XRN2: variants seen among roughly 807,000 people sequenced by gnomAD.
XRN2 encodes 5'-3' exoribonuclease 2.
Under a neutral mutation model 138.5 loss-of-function variants are expected in XRN2, and 44 were observed. The ratio of observed to expected loss-of-function variants is 0.32; its 90% CI spans 0.25 to 0.41. XRN2 has a LOEUF of 0.41. Among genes scored for constraint, XRN2 ranks in the 10% least tolerant of loss-of-function variants. The pLI is 1.00. For missense variants in XRN2, 937 were observed against 1,169.3 expected, an observed-to-expected ratio of 0.80 and a Z score of 2.90; for synonymous variants, 354 against 369.4, an observed-to-expected ratio of 0.96 and a Z score of 0.48.
chr20:21,368,154 C>T (rs992136156), intron 26 of XRN2, among the ~76,000 whole-genome samples: 1 of 151,894 alleles, frequency 6.6e-6, no homozygotes, highest in African/African-American at 2.4e-5. Flanking sequence ...GAACATGGAT[C>T]CTTAAGGACA....
intron 27 of XRN2, among the ~76,000 whole-genome samples, chr20:21,376,253 G>A (rs2038821708): frequency 6.6e-6 from 1 of 152,152 alleles, no homozygotes; most frequent in African/African-American, 2.4e-5. Flanking sequence ...TACTCAGGAG[G>A]CTGTGGTGAG....
intron 9 of XRN2, 88 bp from the exon 10 acceptor site, chr20:21,333,456 C>T (rs985336829): frequency 1.9e-5 from 24 of 1,281,828 alleles, no homozygotes; most frequent in South Asian, 7.2e-5. Context: ...ATGGATTGTG[C>T]GTTAGAAAAA....
Position 21,328,609 on chromosome 20 carries a change from A to G in XRN2, c.366A>G (p.Ser122=), listed in dbSNP as rs942110016. The G allele has an allele frequency of 1.2e-6, 2 of 1,614,158 alleles. No homozygotes were observed. Among genetic ancestry groups the G allele is most frequent in the Non-Finnish European group, 1.7e-6 (2 of 1,180,006 alleles). Residue 122 remains serine (S), a synonymous_variant, in exon 4 of 30, where the codon TCA becomes TCG. Coordinates refer to ENST00000377191, the MANE Select transcript of XRN2 (RefSeq NM_012255.5). The part of the protein sequence containing the change: ...NQQRSRRFRA[S]KEGMEAAVEK... ...AGCGTTCAAGGAGGTTCAGGGCATC[A>G]AAAGAAGGAATGGAAGCAGCAGTCG...
intron 20 of XRN2, among the ~76,000 whole-genome samples, chr20:21,353,087 G>A (rs770312435): frequency 4.2e-4 from 63 of 149,392 alleles, no homozygotes; most frequent in Non-Finnish European, 8.0e-4. Context: ...TTAGCTTCTG[G>A]AATTGATATT....
At position 21,371,120 on chromosome 20, in the gene XRN2, C is replaced by T. The variant is rs376817013; in HGVS notation, c.2584+2530C>T. Among the ~76,000 whole-genome samples, 8 of 152,272 alleles carry T rather than the reference C, an allele frequency of 5.3e-5. No homozygotes were observed. The East Asian group carries it at 7.7e-4, about 15-fold the overall frequency. ...CCTCAGAGCTGTTTTTAAACCGAAG[C>T]TGTACTTATGAAAGAACGTGCCAGG... On this transcript the variant is annotated intron_variant, in intron 27 of 29. Coordinates refer to ENST00000377191, the MANE Select transcript of XRN2 (RefSeq NM_012255.5).
chr20:21,315,111 C>T (rs534636054), intron 1 of XRN2, among the ~76,000 whole-genome samples: 1 of 152,304 alleles, frequency 6.6e-6, no homozygotes, highest in East Asian at 1.9e-4. Flanking sequence ...GTGAAAGGAA[C>T]AAAGCCCACC....
intron 9 of XRN2, 99 bp downstream of exon 9, chr20:21,332,539 A>T (rs1197346343): frequency 8.4e-7 from 1 of 1,192,942 alleles, no homozygotes; most frequent in Non-Finnish European, 1.1e-6. Context: ...TTTAAAGTAT[A>T]CAATTAAATA....
intron 1 of XRN2, among the ~76,000 whole-genome samples, chr20:21,304,925 A>G (rs2037794523): frequency 6.6e-6 from 1 of 152,188 alleles, no homozygotes; most frequent in African/African-American, 2.4e-5. Flanking sequence ...AATGCTGAAA[A>G]ATCAGATAGG....
At chr20:21,312,536 TC>T (rs2037895960) in intron 1 of XRN2, among the ~76,000 whole-genome samples, 1 of 152,122 alleles carries the variant, frequency 6.6e-6, no homozygotes. Flanking sequence ...TTTCTGACCA[TC>T]GGAAAATGAC....
At chr20:21,343,662 A>T (rs1280954182) in intron 15 of XRN2, among the ~76,000 whole-genome samples, 2 of 151,356 alleles carry the variant, frequency 1.3e-5, no homozygotes, top group Admixed American at 6.6e-5. Flanking sequence ...ATATCACATA[A>T]TTTTTTCCCC....
intron 16 of XRN2, among the ~76,000 whole-genome samples, chr20:21,345,759 G>T (rs1262975311): frequency 1.3e-5 from 2 of 152,114 alleles, no homozygotes; most frequent in Non-Finnish European, 2.9e-5. Context: ...TTGTGTGTGT[G>T]TATGTATACA....
At position 21,326,256 on chromosome 20, in the gene XRN2, TATTA is replaced by T. The variant is rs1490072549; in HGVS notation, c.76-18_76-15del. 2.1e-5 allele frequency: 34 copies of T among 1,608,716 alleles called. No individual in the cohort carries two copies. Among genetic ancestry groups the T allele is most frequent in the Non-Finnish European group, 2.8e-5 (33 of 1,176,642 alleles). ...TTTTAGACTTGAACAATCAAACTAC[TATTA>T]ATTATCACTTCCTCATAGCCAAAAG... On this transcript the variant is annotated intron_variant, in intron 1 of 29. Coordinates refer to ENST00000377191, the MANE Select transcript of XRN2 (RefSeq NM_012255.5).
chr20:21,318,709 C>T (rs1019649774), intron 1 of XRN2, among the ~76,000 whole-genome samples: 1 of 151,896 alleles, frequency 6.6e-6, no homozygotes, highest in African/African-American at 2.4e-5. Flanking sequence ...TCCTAGATCC[C>T]TTGGTTATTT....
At chr20:21,387,415 C>G (rs2038947691) in intron 29 of XRN2, among the ~76,000 whole-genome samples, 1 of 152,176 alleles carries the variant, frequency 6.6e-6, no homozygotes, top group Non-Finnish European at 1.5e-5. Flanking sequence ...AGTCATTTTA[C>G]AATGTTGTCA....
At chr20:21,346,394 A>G in intron 16 of XRN2, 21 bp from the exon 17 acceptor site, 1 of 1,613,630 alleles carries the variant, frequency 6.2e-7, no homozygotes, top group Admixed American at 1.7e-5. Flanking sequence ...TTCAGCATAA[A>G]TGAGCTGTGC....
chr20:21,381,888 A>G, intron 27 of XRN2, 106 bp from the exon 28 acceptor site: 2 of 863,456 alleles, frequency 2.3e-6, no homozygotes, highest in Non-Finnish European at 3.3e-6. Flanking sequence ...TTTGGTTTAC[A>G]GTCTTTCTCA....
chr20:21,335,942 C>G (rs1217404666), intron 13 of XRN2, among the ~76,000 whole-genome samples: 1 of 152,100 alleles, frequency 6.6e-6, no homozygotes, highest in Non-Finnish European at 1.5e-5. Flanking sequence ...GATTGGACAC[C>G]AGGGGAAACC....
Position 21,316,940 on chromosome 20 carries a change from A to T in XRN2, c.76-9339A>T, listed in dbSNP as rs144864365. On this transcript the variant is annotated intron_variant, in intron 1 of 29. Coordinates refer to ENST00000377191, the MANE Select transcript of XRN2 (RefSeq NM_012255.5). Reference sequence around the variant, plus strand: ...TTGCAAGTGTATAGAAATGTAATTGATTTTTATATATTGATTTTGTATCCT... The same window carrying T: ...TTGCAAGTGTATAGAAATGTAATTGTTTTTTATATATTGATTTTGTATCCT... 3.3e-5 allele frequency among the ~76,000 whole-genome samples: 5 copies of T among 152,260 alleles called. No individual in the cohort carries two copies. The East Asian group carries it at 9.6e-4, about 29-fold the overall frequency.
intron 13 of XRN2, among the ~76,000 whole-genome samples, chr20:21,337,343 T>C (rs1393133819): frequency 6.6e-6 from 1 of 152,142 alleles, no homozygotes; most frequent in East Asian, 1.9e-4. Flanking sequence ...CCAGTGGGAT[T>C]GGCAAATGGA....
Sources: gnomAD v4.1 joint callset for allele counts (sites outside exome capture counted in the v4.1 genomes callset) on GRCh38, gnomAD v4.1.1 for gene constraint, MANE v1.5 for transcripts, NCBI Gene and HGNC (gene_info 2026-07-23, HGNC 2026-07-21) for gene names.